ABCC3: variants seen among roughly 807,000 people sequenced by gnomAD.
The protein encoded by ABCC3 is ATP binding cassette subfamily C member 3.
In ABCC3, 121 loss-of-function variants were observed where a neutral mutation model predicts 165.3. The observed-to-expected ratio is 0.73, with a 90% CI of 0.63 to 0.85. ABCC3 has a LOEUF of 0.85. Among genes scored for constraint, ABCC3 ranks in the 40% least tolerant of loss-of-function variants. The probability of loss-of-function intolerance (pLI) is 0.00; values close to 1 mark genes in which losing one functional copy is unlikely to be tolerated. For missense variants in ABCC3, 1,869 were observed against 1,964.1 expected, an observed-to-expected ratio of 0.95 and a Z score of 0.92; for synonymous variants, 733 against 810.1, an observed-to-expected ratio of 0.90 and a Z score of 1.62.
In ABCC3 at chr17:50,673,122, G is replaced by T. The variant is rs766976446; in HGVS notation, c.2393G>T (p.Gly798Val). 6.2e-6 allele frequency: 10 copies of T among 1,614,028 alleles called. No individual in the cohort carries two copies. The highest frequency in any genetic ancestry group is 2.2e-5 in the East Asian group (1 of 44,882). ...TTTGACCACGTCATCGGGCCAGAAGGCGTGCTGGCAGGCAAGGTGAGGCCT... is the reference window on the plus strand; with the variant it reads ...TTTGACCACGTCATCGGGCCAGAAGTCGTGCTGGCAGGCAAGGTGAGGCCT... ...HIFDHVIGPE[G>V]VLAGKTRVLV... The change falls in exon 18 of 31, where the codon GGC (glycine) becomes GTC (valine). Residue 798 changes from glycine to valine, a missense_variant. Physicochemically the swap from Gly to Val is moderately radical, Grantham distance 109. Transcript: ENST00000285238.
intron 8 of ABCC3, 61 bp from the exon 9 acceptor site, chr17:50,663,620 C>A: frequency 6.4e-7 from 1 of 1,574,160 alleles, no homozygotes; most frequent in Non-Finnish European, 8.7e-7. Context: ...CAAAGGGCAG[C>A]AGAGGAGGGA....
At position 50,690,636 on chromosome 17, in the gene ABCC3, A is replaced by G. The variant is rs577952996; in HGVS notation, c.4476-456A>G. Among the ~76,000 whole-genome samples the G allele has an allele frequency of 4.1e-4, 63 of 152,054 alleles. 1 individual carries two copies. In the East Asian group the frequency reaches 0.012, roughly 28 times the overall value. On this transcript the variant is annotated intron_variant, in intron 30 of 30. Transcript: ENST00000285238. ...ACCGAGCAGCAGCAGCAGCAGCAGC[A>G]GCCGCAGCAGCCGCCACCAGATTTG...
rs768184230 is a variant in ABCC3 at position 50,683,939 on chromosome 17, C to T, written c.3955-10C>T. On this transcript the variant is annotated splice_polypyrimidine_tract_variant and intron_variant, in intron 27 of 30. Coordinates refer to ENST00000285238, the MANE Select transcript of ABCC3 (RefSeq NM_003786.4). ...CTTCCCCCTCAGAGCCCCTTCCCTT[C>T]TCCGCCCAGGTGGGGATCGTGGGCC... The T allele has an allele frequency of 2.5e-6, 4 of 1,611,948 alleles. No individual in the cohort carries two copies. The East Asian group carries it at 6.7e-5, about 27-fold the overall frequency.
Position 50,683,941 on chromosome 17 carries a change from C to G in ABCC3, c.3955-8C>G, listed in dbSNP as rs775824480. ...TCCCCCTCAGAGCCCCTTCCCTTCT[C>G]CGCCCAGGTGGGGATCGTGGGCCGC... On this transcript the variant is annotated splice_polypyrimidine_tract_variant and splice_region_variant and intron_variant, in intron 27 of 30. Transcript: ENST00000285238. The G allele has an allele frequency of 5.6e-6, 9 of 1,612,038 alleles. No homozygotes were observed. The highest frequency in any genetic ancestry group is 7.6e-6 in the Non-Finnish European group (9 of 1,179,240).
chr17:50,689,192 A>G (rs1597863920), intron 30 of ABCC3, among the ~76,000 whole-genome samples: 1 of 152,238 alleles, frequency 6.6e-6, no homozygotes, highest in Non-Finnish European at 1.5e-5. Flanking sequence ...CTCAAAAAAA[A>G]GAAAAAAGTC....
intron 20 of ABCC3, 35 bp downstream of exon 20, chr17:50,675,511 C>T: frequency 6.2e-7 from 1 of 1,600,970 alleles, no homozygotes; most frequent in Admixed American, 1.7e-5. Flanking sequence ...CTCCCGGAGG[C>T]TGTATCAGGC....
chr17:50,655,106 A>G (rs1967198548), intron 1 of ABCC3, among the ~76,000 whole-genome samples: 1 of 73,918 alleles, frequency 1.4e-5, no homozygotes, highest in African/African-American at 5.6e-5. Context: ...TCTCAAAAAA[A>G]AAAAAAAAAA....
At chr17:50,644,859 A>C (rs535725387) in intron 1 of ABCC3, among the ~76,000 whole-genome samples, 22 of 152,220 alleles carry the variant, frequency 1.4e-4, no homozygotes, top group Non-Finnish European at 2.9e-4. Context: ...TCTACTAAAA[A>C]TACAAAAAAT....
intron 1 of ABCC3, among the ~76,000 whole-genome samples, chr17:50,650,881 A>G (rs373800814): frequency 4.6e-5 from 7 of 152,082 alleles, no homozygotes; most frequent in African/African-American, 1.7e-4. Flanking sequence ...CCTGGCTGAC[A>G]TGCTGAAACC....
intron 18 of ABCC3, 151 bp from the exon 19 acceptor site, chr17:50,673,318 C>A: frequency 2.4e-6 from 3 of 1,242,582 alleles, no homozygotes; most frequent in Non-Finnish European, 3.3e-6. Flanking sequence ...AGGTTCTGAG[C>A]AGGCTGTGGC....
chr17:50,684,026 G>T lies in ABCC3; in HGVS notation c.4032G>T (p.Lys1344Asn), dbSNP rs376990348. 1 of 1,613,050 alleles carries T rather than the reference G, an allele frequency of 6.2e-7. No individual in the cohort carries two copies. The highest frequency in any genetic ancestry group is 1.7e-5 in the Admixed American group (1 of 59,650). Residue 1344 changes from lysine (K) to asparagine (N), a missense_variant, in exon 28 of 31, where the codon AAG (lysine) becomes AAT (asparagine). Physicochemically the swap from Lys to Asn is moderately conservative, Grantham distance 94. Transcript: ENST00000285238. ...LCLFRILEAA[K>N]GEIRIDGLNV... is the part of the protein sequence containing the mutation. ...TGTTCCGCATCCTGGAGGCGGCAAA[G>T]GGTGAAATCCGCATTGATGGCCTCA...
intron 23 of ABCC3, 138 bp downstream of exon 23, chr17:50,676,726 T>A: frequency 2.4e-6 from 2 of 821,954 alleles, no homozygotes; most frequent in Non-Finnish European, 3.7e-6. Context: ...GCTTAACATT[T>A]ATGTTAGGGG....
intron 1 of ABCC3, among the ~76,000 whole-genome samples, chr17:50,642,299 G>A (rs1447304544): frequency 6.6e-6 from 1 of 152,226 alleles, no homozygotes; most frequent in East Asian, 1.9e-4. Context: ...TAGGGAGTTA[G>A]GGGTGAGGGC....
chr17:50,676,472 C>T lies in ABCC3; in HGVS notation c.3262C>T (p.Leu1088Phe). ...TGATGAGGTTCTGGCCCCTGTCATC[C>T]TCATGCTGCTCAATTCCTTCTTCAA... ...VVDEVLAPVI[L>F]MLLNSFFNAI... Residue 1088 changes from leucine to phenylalanine, a missense_variant, in exon 23 of 31, where the codon CTC (leucine) becomes TTC (phenylalanine). Coordinates refer to ENST00000285238, the MANE Select transcript of ABCC3 (RefSeq NM_003786.4). The T allele has an allele frequency of 5.0e-6, 8 of 1,614,206 alleles. No homozygotes were observed. The highest frequency in any genetic ancestry group is 6.8e-6 in the Non-Finnish European group (8 of 1,180,042).
chr17:50,670,089 CT>C (rs998345601), intron 17 of ABCC3, among the ~76,000 whole-genome samples: 68 of 145,456 alleles, frequency 4.7e-4, no homozygotes, highest in South Asian at 1.7e-3. Context: ...CTGAGCATCA[CT>C]TTTTTTTTTT....
At chr17:50,648,125 T>C (rs1402500260) in intron 1 of ABCC3, among the ~76,000 whole-genome samples, 1 of 151,884 alleles carries the variant, frequency 6.6e-6, no homozygotes, top group Non-Finnish European at 1.5e-5. Context: ...CCTTCCTGAT[T>C]TTCCATCAAA....
intron 1 of ABCC3, among the ~76,000 whole-genome samples, chr17:50,646,487 A>T (rs1452688269): frequency 1.3e-5 from 2 of 152,272 alleles, no homozygotes; most frequent in East Asian, 3.8e-4. Context: ...AGTCATTGGC[A>T]TATAGATGGT....
rs184246304 is a variant in ABCC3, at chr17:50,670,707, T to A, written c.2241+1179T>A. ...TAGCTTGGGAAATCCTCACTGAGAA[T>A]CAGAGAACTCAACAAAGAGACCGAG... On this transcript the variant is annotated intron_variant, in intron 17 of 30. Transcript: ENST00000285238. Among the ~76,000 whole-genome samples, 170 of 152,280 alleles carry A rather than the reference T, an allele frequency of 1.1e-3. 1 individual carries two copies. The East Asian group carries it at 0.028, about 25-fold the overall frequency.
chr17:50,642,188 A>G (rs1411795239), intron 1 of ABCC3, among the ~76,000 whole-genome samples: 2 of 152,244 alleles, frequency 1.3e-5, no homozygotes, highest in Admixed American at 6.5e-5. Flanking sequence ...CGGGCCAGGC[A>G]GGCTAGAAAG....
Sources: allele counts gnomAD v4.1 joint callset (sites outside exome capture counted in the v4.1 genomes callset), GRCh38; gene constraint gnomAD v4.1.1; transcripts MANE v1.5; gene names NCBI Gene and HGNC (gene_info 2026-07-23, HGNC 2026-07-21).